The following PKHD1 variants were observed in gnomAD, a reference collection of about 807,000 sequenced individuals.
The protein encoded by PKHD1 is PKHD1 ciliary IPT domain containing fibrocystin/polyductin.
In PKHD1, 291 loss-of-function variants were observed where a neutral mutation model predicts 412.0. The observed-to-expected ratio is 0.71, with a 90% CI of 0.64 to 0.78. The LOEUF is 0.78. Among genes scored for constraint, PKHD1 ranks in the 30% least tolerant of loss-of-function variants. The pLI is 0.00. For synonymous variants in PKHD1, 1,777 were observed against 1,821.5 expected (o/e 0.98, Z 0.62); for missense variants, 4,825 against 4,950.7 (o/e 0.97, Z 0.76).
intron 51 of PKHD1, among the ~76,000 whole-genome samples, chr6:51,833,946 C>T (rs1389498274): frequency 1.3e-5 from 2 of 152,118 alleles, no homozygotes; most frequent in East Asian, 3.9e-4. Flanking sequence ...CCTGATGAGG[C>T]CTCTCCTTGC....
At chr6:51,989,915 GGAAGGAAGGAAGGAAGGAAA>G (rs1562072515) in intron 35 of PKHD1, among the ~76,000 whole-genome samples, 4 of 87,628 alleles carry the variant, frequency 4.6e-5, no homozygotes, top group African/African-American at 9.0e-5. Context: ...AAGGAAGGAA[GGAAGGAAGGAAGGAAGGAAA>G]GAAGGAAGGA....
chr6:52,028,718 C>T (rs1205156062), intron 29 of PKHD1, among the ~76,000 whole-genome samples: 2 of 152,042 alleles, frequency 1.3e-5, no homozygotes, highest in African/African-American at 4.8e-5. Flanking sequence ...TGACATGTTG[C>T]CCAAGCTGGT....
chr6:51,629,869 C>T (rs1767720477), intron 65 of PKHD1, among the ~76,000 whole-genome samples: 1 of 152,040 alleles, frequency 6.6e-6, no homozygotes. Context: ...AAAACAGAAA[C>T]AACTTACAGT....
intron 35 of PKHD1, among the ~76,000 whole-genome samples, chr6:52,005,839 C>CT (rs534412809): frequency 1.5e-4 from 22 of 148,434 alleles, no homozygotes; most frequent in African/African-American, 2.2e-4. Flanking sequence ...ACCTACGTAA[C>CT]TTTTTTTTTT....
chr6:52,067,553 G>C (rs1809928164), intron 11 of PKHD1, among the ~76,000 whole-genome samples: 1 of 152,194 alleles, frequency 6.6e-6, no homozygotes. Context: ...GGAGAAATTA[G>C]AGAGTATATG....
intron 61 of PKHD1, among the ~76,000 whole-genome samples, chr6:51,652,250 T>C (rs182279004): frequency 6.6e-6 from 1 of 152,224 alleles, no homozygotes; most frequent in Admixed American, 6.5e-5. Flanking sequence ...ATACAGAAAT[T>C]TCCCAATTAA....
chr6:52,062,355 G>C (rs1176123894), intron 14 of PKHD1, among the ~76,000 whole-genome samples, 164 bp downstream of exon 14: 3 of 152,208 alleles, frequency 2.0e-5, no homozygotes, highest in Admixed American at 6.5e-5. Flanking sequence ...CCCTGCACTA[G>C]CATGACCAAC....
intron 37 of PKHD1, among the ~76,000 whole-genome samples, chr6:51,914,304 A>C (rs755937287): frequency 6.6e-6 from 1 of 152,164 alleles, no homozygotes; most frequent in South Asian, 2.1e-4. Context: ...ACTATTAACA[A>C]AAAAGTTACA....
At chr6:51,640,516 G>A (rs576286434) in intron 63 of PKHD1, among the ~76,000 whole-genome samples, 2 of 152,106 alleles carry the variant, frequency 1.3e-5, no homozygotes, top group East Asian at 3.9e-4. Context: ...ATATACAAAT[G>A]CAATTGACAG....
At chr6:51,657,095 G>GA (rs1771980336) in intron 61 of PKHD1, among the ~76,000 whole-genome samples, 1 of 142,544 alleles carries the variant, frequency 7.0e-6, no homozygotes, top group Non-Finnish European at 1.5e-5. Flanking sequence ...ACTTTTCCAT[G>GA]AAAAAACTTA....
At chr6:51,931,788 G>GA (rs2127758470) in intron 37 of PKHD1, among the ~76,000 whole-genome samples, 1 of 151,996 alleles carries the variant, frequency 6.6e-6, no homozygotes, top group African/African-American at 2.4e-5. Flanking sequence ...AACCAGTTTT[G>GA]AAAATGGCCT....
chr6:51,858,326 G>A (rs772158707), intron 48 of PKHD1, among the ~76,000 whole-genome samples: 2 of 152,096 alleles, frequency 1.3e-5, no homozygotes, highest in Non-Finnish European at 2.9e-5. Flanking sequence ...TTCCCCTGAT[G>A]GAAACCATGA....
Position 51,638,746 on chromosome 6 carries a change from T to G in PKHD1, c.11506+103A>C, listed in dbSNP as rs902661718. 35 of 765,690 alleles carry G rather than the reference T, an allele frequency of 4.6e-5. No homozygotes were observed. In the African/African-American group the frequency reaches 5.5e-4, roughly 12 times the overall value. The allele number at this position is 765,690 out of a possible 1,614,324, so 47.4% of individuals were successfully genotyped here. On this transcript the variant is annotated intron_variant, in intron 64 of 66. Coordinates refer to ENST00000371117, the MANE Select transcript of PKHD1 (RefSeq NM_138694.4). ...ATTTATTTTCTAAACTATGATGACC[T>G]CTTATTCATGATAGTAGCTATTCCC...
chr6:52,034,480 G>A (rs1562193069), intron 28 of PKHD1, among the ~76,000 whole-genome samples: 1 of 152,132 alleles, frequency 6.6e-6, no homozygotes, highest in Admixed American at 6.5e-5. Flanking sequence ...AGAGGTACAT[G>A]TCTTACCCAT....
chr6:51,748,608 G>C lies in PKHD1; in HGVS notation c.9008C>G (p.Ser3003Cys), dbSNP rs1036050205. The C allele has an allele frequency of 6.2e-7, 1 of 1,613,660 alleles. No individual in the cohort carries two copies. Among genetic ancestry groups the C allele is most frequent in the Non-Finnish European group, 8.5e-7 (1 of 1,179,672 alleles). ...IQNFGSPLYS[S>C]VEFSNVSAGS... ...TGCTGACACATTACTGAATTCAACAGATGAGTACAATGGTGACCCGAAGTT... is the reference window on the plus strand; with the variant it reads ...TGCTGACACATTACTGAATTCAACACATGAGTACAATGGTGACCCGAAGTT... The change falls in exon 58 of 67, where the codon TCT becomes TGT. Residue 3003 changes from serine (S) to cysteine (C), a missense_variant. Transcript: ENST00000371117.
chr6:51,905,868 A>G (rs1396587434), intron 41 of PKHD1, among the ~76,000 whole-genome samples: 1 of 152,182 alleles, frequency 6.6e-6, no homozygotes, highest in African/African-American at 2.4e-5. Context: ...CCAGATTTTT[A>G]AATCCTTGGC....
intron 60 of PKHD1, among the ~76,000 whole-genome samples, chr6:51,712,021 C>A (rs1368662943): frequency 1.3e-5 from 2 of 152,198 alleles, no homozygotes; most frequent in East Asian, 3.8e-4. Flanking sequence ...ATTATGCTCT[C>A]AGCCTAGATC....
chr6:51,736,028 C>T lies in PKHD1; in HGVS notation c.10156+8357G>A, dbSNP rs78595059. ...AATTTACCTAATGTCTACATCAGTTCCCACACCTATAAAATGGAGGCAACA... is the reference window on the plus strand; with the variant it reads ...AATTTACCTAATGTCTACATCAGTTTCCACACCTATAAAATGGAGGCAACA... On this transcript the variant is annotated intron_variant, in intron 60 of 66. Transcript: ENST00000371117. 5.2e-3 allele frequency among the ~76,000 whole-genome samples: 794 copies of T among 152,274 alleles called. 12 individuals carry two copies. The highest frequency in any genetic ancestry group is 0.018 in the African/African-American group (750 of 41,564).
intron 35 of PKHD1, among the ~76,000 whole-genome samples, chr6:52,003,229 T>G (rs1452053584): frequency 6.6e-6 from 1 of 152,128 alleles, no homozygotes; most frequent in East Asian, 1.9e-4. Context: ...TGGAAAAAAT[T>G]ATGATGACTT....
Sources: allele counts gnomAD v4.1 joint callset (sites outside exome capture counted in the v4.1 genomes callset), GRCh38; gene constraint gnomAD v4.1.1; transcripts MANE v1.5; gene names NCBI Gene and HGNC (gene_info 2026-07-23, HGNC 2026-07-21).